ADAMTS16: variants seen among roughly 807,000 people sequenced by gnomAD.
ADAMTS16 encodes ADAM metallopeptidase with thrombospondin type 1 motif 16.
ADAMTS16 carries 94 observed loss-of-function variants against 145.8 expected under a neutral mutation model. That is an observed-to-expected ratio of 0.64 (90% CI 0.55 to 0.77). ADAMTS16 has a LOEUF of 0.77. ADAMTS16 is among the 30% of genes least tolerant of loss of function. The probability of loss-of-function intolerance (pLI) is 0.00; values close to 1 mark genes in which losing one functional copy is unlikely to be tolerated. For missense variants in ADAMTS16, 1,585 were observed against 1,591.5 expected (o/e 1.00, Z 0.07); for synonymous variants, 659 against 604.3 (o/e 1.09, Z -1.33).
At chr5:5,237,732 G>C (rs1737150329) in intron 14 of ADAMTS16, among the ~76,000 whole-genome samples, 1 of 152,122 alleles carries the variant, frequency 6.6e-6, no homozygotes, top group African/African-American at 2.4e-5. Context: ...CTCGGACAGA[G>C]GCCTCAGCAA....
intron 3 of ADAMTS16, among the ~76,000 whole-genome samples, chr5:5,180,985 T>C (rs907264310): frequency 6.6e-6 from 1 of 152,236 alleles, no homozygotes; most frequent in South Asian, 2.1e-4. Flanking sequence ...CTTTTAGTGG[T>C]TATATAACCT....
At position 5,309,828 on chromosome 5, in the gene ADAMTS16, G is replaced by GTA. The variant is rs1491344028; in HGVS notation, c.3411+3101_3411+3102insAT. 0.026 allele frequency among the ~76,000 whole-genome samples: 13 copies of GTA among 508 alleles called. No individual in the cohort carries two copies. In the South Asian group the frequency reaches 0.46, roughly 18 times the overall value. 0.3% of individuals were successfully genotyped at this position (508 alleles called of 152,430 possible). A position where few individuals can be genotyped will look rare whatever the true frequency, so the allele number is the denominator to read the frequency against. On this transcript the variant is annotated intron_variant, in intron 21 of 22. Coordinates refer to ENST00000274181, the MANE Select transcript of ADAMTS16 (RefSeq NM_139056.4). ...TTTAGGAGAGACAGGTCATGTCCTC[G>GTA]TGTGTGTGTGTGTGTGTGTGTGTGT... is the stretch of plus-strand genomic sequence containing the variant.
chr5:5,211,487 T>C (rs1415810739), intron 10 of ADAMTS16, among the ~76,000 whole-genome samples: 1 of 152,178 alleles, frequency 6.6e-6, no homozygotes, highest in Non-Finnish European at 1.5e-5. Flanking sequence ...TATTAATCCT[T>C]TCAAAAGCAT....
chr5:5,156,935 T>C (rs1377557454), intron 3 of ADAMTS16, among the ~76,000 whole-genome samples: 1 of 152,238 alleles, frequency 6.6e-6, no homozygotes, highest in Non-Finnish European at 1.5e-5. Context: ...TCAAGTGCCA[T>C]GAGCCGCAGC....
intron 17 of ADAMTS16, among the ~76,000 whole-genome samples, chr5:5,257,096 C>T (rs1407048981): frequency 6.6e-6 from 1 of 152,096 alleles, no homozygotes; most frequent in Non-Finnish European, 1.5e-5. Flanking sequence ...TCTCTCAGCC[C>T]TAGTTAGCAA....
In ADAMTS16 at chr5:5,243,023, C is replaced by G. The variant is rs13157176; in HGVS notation, c.2662+832C>G. Among the ~76,000 whole-genome samples the G allele has an allele frequency of 7.6e-3, 1,150 of 152,120 alleles. 7 individuals are homozygous for G. The highest frequency in any genetic ancestry group is 0.017 in the African/African-American group (693 of 41,494). On this transcript the variant is annotated intron_variant, in intron 17 of 22. Coordinates refer to ENST00000274181, the MANE Select transcript of ADAMTS16 (RefSeq NM_139056.4). ...TATGTTTAAGTAAAAGAAAATGGTT[C>G]ATAAATGAGAACTGGCATAAAGTTA...
chr5:5,214,357 A>G (rs1736365979), intron 10 of ADAMTS16, among the ~76,000 whole-genome samples: 1 of 152,244 alleles, frequency 6.6e-6, no homozygotes, highest in South Asian at 2.1e-4. Flanking sequence ...TCCTTATGAT[A>G]TATAAAATTG....
At chr5:5,257,184 C>T (rs1438762037) in intron 17 of ADAMTS16, among the ~76,000 whole-genome samples, 1 of 152,138 alleles carries the variant, frequency 6.6e-6, no homozygotes, top group Non-Finnish European at 1.5e-5. Context: ...AATTGTGCCC[C>T]AGTTTGCCCT....
rs4702240 is a variant in ADAMTS16 at position 5,202,007 on chromosome 5, A to T, written c.1451+1738A>T. ...AATTAAGTCTTCTTATTTCTAAGAC[A>T]CTATTTGAGTAGCAGGATCACACCA... On this transcript the variant is annotated intron_variant, in intron 9 of 22. Transcript: ENST00000274181. Among the ~76,000 whole-genome samples, 20 of 151,938 alleles carry T rather than the reference A, an allele frequency of 1.3e-4. No homozygotes were observed. In the East Asian group the frequency reaches 3.7e-3, roughly 28 times the overall value.
At chr5:5,186,031 C>A in intron 4 of ADAMTS16, 21 bp from the exon 5 acceptor site, 2 of 1,596,124 alleles carry the variant, frequency 1.3e-6, no homozygotes, top group Non-Finnish European at 1.7e-6. Context: ...TTCCATTTGC[C>A]CTCCATGTGT....
intron 3 of ADAMTS16, among the ~76,000 whole-genome samples, chr5:5,169,205 A>G (rs1734980254): frequency 6.6e-6 from 1 of 152,200 alleles, no homozygotes; most frequent in South Asian, 2.1e-4. Flanking sequence ...GGCTCAGTAA[A>G]TGGAAGTTCT....
intron 17 of ADAMTS16, among the ~76,000 whole-genome samples, chr5:5,250,736 T>TGTGTGTGTGTGTGTGC (rs764397980): frequency 2.0e-4 from 29 of 141,924 alleles, no homozygotes; most frequent in South Asian, 8.9e-4. Context: ...TGTGTGTGTG[T>TGTGTGTGTGTGTGTGC]GCGCGCACTC....
At chr5:5,306,801 G>A in intron 21 of ADAMTS16, 73 bp downstream of exon 21, 1 of 1,398,904 alleles carries the variant, frequency 7.1e-7, no homozygotes, top group Non-Finnish European at 9.6e-7. Context: ...GGCTCCCGGG[G>A]ATGCTTCTGC....
chr5:5,270,964 C>G (rs538789705), intron 18 of ADAMTS16, among the ~76,000 whole-genome samples: 1 of 152,310 alleles, frequency 6.6e-6, no homozygotes, highest in South Asian at 2.1e-4. Context: ...CCCCACAGTT[C>G]GTGCTCTGTC....
rs544760196 is a variant in ADAMTS16 at position 5,298,483 on chromosome 5, G to A, written c.2790-4785G>A. 4.9e-3 allele frequency among the ~76,000 whole-genome samples: 332 copies of A among 68,190 alleles called. 4 individuals carry two copies. The highest frequency in any genetic ancestry group is 0.015 in the African/African-American group (325 of 22,300). 44.7% of individuals were successfully genotyped at this position (68,190 alleles called of 152,430 possible). On this transcript the variant is annotated intron_variant, in intron 18 of 22. Transcript: ENST00000274181. ...AGCAAATCCCCAAGCCAACCGAGGA[G>A]GATGGCAAGTAATAAGGCCCTTGGC...
chr5:5,249,926 C>T (rs926256604), intron 17 of ADAMTS16, among the ~76,000 whole-genome samples: 2 of 152,100 alleles, frequency 1.3e-5, no homozygotes, highest in Admixed American at 6.5e-5. Context: ...AGATAATCTT[C>T]CCCTGGAGTC....
At chr5:5,262,385 T>G (rs1039678224) in intron 17 of ADAMTS16, among the ~76,000 whole-genome samples, 3 of 152,208 alleles carry the variant, frequency 2.0e-5, no homozygotes, top group Non-Finnish European at 4.4e-5. Context: ...TATGATGACA[T>G]CAATCGCAAA....
chr5:5,250,967 G>C (rs1275572407), intron 17 of ADAMTS16, among the ~76,000 whole-genome samples: 1 of 152,104 alleles, frequency 6.6e-6, no homozygotes, highest in East Asian at 1.9e-4. Flanking sequence ...CCATAGCAGT[G>C]GTGGACAGAG....
At chr5:5,159,407 G>T (rs1169653054) in intron 3 of ADAMTS16, among the ~76,000 whole-genome samples, 1 of 152,282 alleles carries the variant, frequency 6.6e-6, no homozygotes, top group South Asian at 2.1e-4. Context: ...GCCTCCTAGG[G>T]CTGAGTGAGT....
Sources: allele counts gnomAD v4.1 joint callset (sites outside exome capture counted in the v4.1 genomes callset), GRCh38; gene constraint gnomAD v4.1.1; transcripts MANE v1.5; gene names NCBI Gene and HGNC (gene_info 2026-07-23, HGNC 2026-07-21).